The following CHRM5 variants were observed in gnomAD, a reference collection of about 807,000 sequenced individuals.
CHRM5 encodes the protein muscarinic acetylcholine receptor M5.
A neutral mutation model predicts 39.0 loss-of-function variants in CHRM5; 18 were observed. That is an observed-to-expected ratio of 0.46 (90% confidence interval 0.32 to 0.68). The LOEUF is 0.68. CHRM5 is among the 30% of genes least tolerant of loss of function. The probability of loss-of-function intolerance (pLI) is 0.04; values close to 1 mark genes in which losing one functional copy is unlikely to be tolerated. For synonymous variants in CHRM5, 241 were observed against 246.3 expected (o/e 0.98, Z 0.20); for missense variants, 515 against 651.1 (o/e 0.79, Z 2.28).
chr15:34,062,151 G>A (rs1330070854), intron 2 of CHRM5, among the ~76,000 whole-genome samples: 3 of 152,086 alleles, frequency 2.0e-5, no homozygotes, highest in Non-Finnish European at 2.9e-5. Context: ...CTCAGCCATA[G>A]GTAACAACAA....
chr15:34,058,110 G>A (rs913950619), intron 2 of CHRM5, among the ~76,000 whole-genome samples: 5 of 151,978 alleles, frequency 3.3e-5, no homozygotes, highest in South Asian at 2.1e-4. Flanking sequence ...CTTTTCATTC[G>A]GCACCTCAGT....
At chr15:34,051,961 A>T (rs1899937959) in intron 2 of CHRM5, among the ~76,000 whole-genome samples, 1 of 152,196 alleles carries the variant, frequency 6.6e-6, no homozygotes. Flanking sequence ...ATCTGAAAAA[A>T]TTGAAAAGGA....
intron 1 of CHRM5, among the ~76,000 whole-genome samples, chr15:34,022,195 T>C (rs538274585): frequency 3.3e-5 from 5 of 152,330 alleles, no homozygotes; most frequent in Non-Finnish European, 5.9e-5. Flanking sequence ...ATGAATGGCA[T>C]CATGGCCCCA....
intron 1 of CHRM5, among the ~76,000 whole-genome samples, chr15:34,045,586 G>A (rs753181233): frequency 3.3e-5 from 5 of 152,028 alleles, no homozygotes; most frequent in Non-Finnish European, 7.4e-5. Flanking sequence ...AATATGAGCT[G>A]GTTATCATGA....
In CHRM5 at chr15:34,038,859, C is replaced by A. The variant is rs1597379640; in HGVS notation, c.-407-7681C>A. ...GGCGCCTCCTCCTCCTCGGCCTCCG[C>A]GAGCGCCGCGGAAGCCCCGGCCACG... On this transcript the variant is annotated intron_variant, in intron 1 of 2. Transcript: ENST00000383263. 9.5e-6 allele frequency: 11 copies of A among 1,157,248 alleles called. No homozygotes were observed. The East Asian group carries it at 4.7e-4, about 50-fold the overall frequency. The allele number at this position is 1,157,248 out of a possible 1,614,324, so 71.7% of individuals were successfully genotyped here. A position where few individuals can be genotyped will look rare whatever the true frequency, so the allele number is the denominator to read the frequency against.
In CHRM5 at chr15:33,981,753, T is replaced by C. The variant is rs374055763; in HGVS notation, c.-408+12603T>C. Among the ~76,000 whole-genome samples the C allele has an allele frequency of 3.1e-4, 47 of 152,334 alleles. 1 individual carries two copies. The South Asian group carries it at 9.1e-3, about 30-fold the overall frequency. On this transcript the variant is annotated intron_variant, in intron 1 of 2. Coordinates refer to ENST00000383263, the MANE Select transcript of CHRM5 (RefSeq NM_012125.4). ...TTATCTCATCTATAAAATTGTCTAA[T>C]ACTAACACTGAAGGGCTATTTTGAA...
At chr15:33,979,366 G>A (rs593007) in intron 1 of CHRM5, among the ~76,000 whole-genome samples, 121,220 of 152,018 alleles carry the variant, frequency 0.8, 54,075 homozygotes, top group Non-Finnish European at 0.98. Flanking sequence ...AAAATTAGCC[G>A]GGCATGCTAG....
At chr15:33,969,568 C>T (rs906734679) in intron 1 of CHRM5, among the ~76,000 whole-genome samples, 2 of 151,790 alleles carry the variant, frequency 1.3e-5, no homozygotes, top group Non-Finnish European at 1.5e-5. Flanking sequence ...TATTTTTATT[C>T]ATATAAAGGA....
At chr15:33,990,212 A>G (rs907816111) in intron 1 of CHRM5, among the ~76,000 whole-genome samples, 5 of 151,554 alleles carry the variant, frequency 3.3e-5, no homozygotes, top group African/African-American at 1.2e-4. Flanking sequence ...TCAAAAAAAA[A>G]CAAAACAAAA....
rs1895506607 is a variant in CHRM5, at chr15:33,968,928, C to A, written c.-630C>A. 1 of 152,028 alleles carries A rather than the reference C, an allele frequency of 6.6e-6. No individual in the cohort carries two copies. The highest frequency in any genetic ancestry group is 1.5e-5 in the Non-Finnish European group (1 of 67,958). 9.4% of individuals were successfully genotyped at this position (152,028 alleles called of 1,614,324 possible). ...GTTACCAGATAAAGGCAAAACTCACCCTTCTGGTTCTATAATCCTATCCAA... is the reference window on the plus strand; with the variant it reads ...GTTACCAGATAAAGGCAAAACTCACACTTCTGGTTCTATAATCCTATCCAA... On this transcript the variant is annotated 5_prime_UTR_variant, in exon 1 of 3. Transcript: ENST00000383263.
chr15:34,060,804 A>T (rs1353728127), intron 2 of CHRM5, among the ~76,000 whole-genome samples: 1 of 152,126 alleles, frequency 6.6e-6, no homozygotes, highest in Non-Finnish European at 1.5e-5. Flanking sequence ...CAAGGGGCAG[A>T]GGTTGCAGTG....
intron 1 of CHRM5, among the ~76,000 whole-genome samples, chr15:34,025,757 C>CGTGTGT (rs150188349): frequency 8.3e-5 from 11 of 132,938 alleles, no homozygotes. Context: ...TTTGGTTTTG[C>CGTGTGT]GTGTGTGTGT....
intron 1 of CHRM5, among the ~76,000 whole-genome samples, chr15:33,976,415 T>G (rs636842): frequency 0.28 from 41,947 of 152,168 alleles, 7,359 homozygotes; most frequent in Non-Finnish European, 0.39. Flanking sequence ...GATTCAATTT[T>G]AAGTAGAGTT....
intron 1 of CHRM5, among the ~76,000 whole-genome samples, chr15:34,011,086 G>A (rs977319757): frequency 2.0e-5 from 3 of 152,212 alleles, no homozygotes; most frequent in African/African-American, 4.8e-5. Flanking sequence ...CTGCACTTTG[G>A]GAGGCCTAGG....
intron 2 of CHRM5, among the ~76,000 whole-genome samples, chr15:34,059,076 T>A: frequency 6.7e-6 from 1 of 149,506 alleles, no homozygotes. Flanking sequence ...TTTGCATTTT[T>A]AGTAGAGACA....
At position 33,997,898 on chromosome 15, in the gene CHRM5, G is replaced by A. The variant is rs550269147; in HGVS notation, c.-408+28748G>A. Among the ~76,000 whole-genome samples, 3 of 152,228 alleles carry A rather than the reference G, an allele frequency of 2.0e-5. No homozygotes were observed. The South Asian group carries it at 6.2e-4, about 32-fold the overall frequency. ...ATACCTGTTCTCACCTTAAATTTAT[G>A]AATACCAACTTCATGTGGGCCCCTA... On this transcript the variant is annotated intron_variant, in intron 1 of 2. Coordinates refer to ENST00000383263, the MANE Select transcript of CHRM5 (RefSeq NM_012125.4).
intron 1 of CHRM5, among the ~76,000 whole-genome samples, chr15:34,030,492 C>T (rs1391686203): frequency 6.6e-6 from 1 of 152,004 alleles, no homozygotes; most frequent in Non-Finnish European, 1.5e-5. Context: ...ACTACAGCTG[C>T]CTGCCACCTC....
chr15:33,983,659 T>C (rs538198752), intron 1 of CHRM5, among the ~76,000 whole-genome samples: 15 of 152,258 alleles, frequency 9.9e-5, no homozygotes, highest in Admixed American at 9.2e-4. Context: ...CCTCCTTCCA[T>C]GGATGAAGCT....
rs963889096 is a variant in CHRM5, at chr15:34,040,981, T to A, written c.-407-5559T>A. On this transcript the variant is annotated intron_variant, in intron 1 of 2. Coordinates refer to ENST00000383263, the MANE Select transcript of CHRM5 (RefSeq NM_012125.4). ...GCAGTGGGGAAGGGGCATGGAAGAA[T>A]ATGGTTAAATATCTACCAGCATATC... 2.6e-5 allele frequency among the ~76,000 whole-genome samples: 4 copies of A among 151,922 alleles called. No individual in the cohort carries two copies. The East Asian group carries it at 7.8e-4, about 30-fold the overall frequency.
Sources: gnomAD v4.1 joint callset for allele counts (sites outside exome capture counted in the v4.1 genomes callset) on GRCh38, gnomAD v4.1.1 for gene constraint, MANE v1.5 for transcripts, NCBI Gene and HGNC (gene_info 2026-07-23, HGNC 2026-07-21) for gene names.